PFDN5: variants seen among roughly 807,000 people sequenced by gnomAD.
PFDN5 encodes the protein c-myc binding protein.
Under a neutral mutation model 21.5 loss-of-function variants are expected in PFDN5, and 13 were observed. That is an observed-to-expected ratio of 0.60 (90% CI 0.39 to 0.96). The LOEUF (loss-of-function observed/expected upper bound fraction) is 0.96, where lower values mean the gene tolerates loss of function less well. Ranked by LOEUF, PFDN5 falls within the 40% of genes least tolerant of loss-of-function variation. PFDN5 has a pLI of 0.00. For missense variants in PFDN5, 188 were observed against 186.2 expected (o/e 1.01, Z -0.06); for synonymous variants, 84 against 68.9 (o/e 1.22, Z -1.08).
At chr12:53,296,377 T>C in intron 3 of PFDN5, 102 bp downstream of exon 3, 1 of 849,798 alleles carries the variant, frequency 1.2e-6, no homozygotes. Flanking sequence ...CAGATTACCC[T>C]CTCCTCACAA....
chr12:53,297,123 G>C (rs574465107), intron 3 of PFDN5: 1 of 153,118 alleles, frequency 6.5e-6, no homozygotes, highest in African/African-American at 2.4e-5. Flanking sequence ...GTGTGTAGTA[G>C]GGAATGGTTT....
In PFDN5 at chr12:53,298,042, T is replaced by C. The variant is rs112542915; in HGVS notation, c.283-3T>C. On this transcript the variant is annotated splice_region_variant and splice_polypyrimidine_tract_variant and intron_variant, in intron 4 of 5. Coordinates refer to ENST00000334478, the MANE Select transcript of PFDN5 (RefSeq NM_002624.4). Reference sequence around the variant, plus strand: ...AGCCCCTTATTCACCTCTGATCTTGTAGACAGCTGAGGATGCCAAGGACTT... The same window carrying C: ...AGCCCCTTATTCACCTCTGATCTTGCAGACAGCTGAGGATGCCAAGGACTT... The C allele has an allele frequency of 3.1e-6, 5 of 1,606,256 alleles. No individual in the cohort carries two copies. The South Asian group carries it at 3.3e-5, about 11-fold the overall frequency.
intron 1 of PFDN5, 86 bp from the exon 2 acceptor site, chr12:53,295,753 T>A (rs1944141999): frequency 7.1e-6 from 9 of 1,275,810 alleles, no homozygotes; most frequent in Non-Finnish European, 9.2e-6. Context: ...GAAACCTCTA[T>A]CCGATCCCAG....
At chr12:53,297,488 G>A (rs535138641) in intron 3 of PFDN5, 1 of 203,534 alleles carries the variant, frequency 4.9e-6, no homozygotes, top group African/African-American at 2.3e-5. Flanking sequence ...TCATGATTGA[G>A]GGCATTAAGG....
chr12:53,296,085 C>G, intron 2 of PFDN5, 144 bp downstream of exon 2: 2 of 788,758 alleles, frequency 2.5e-6, no homozygotes, highest in South Asian at 1.5e-5. Context: ...TGTTGCCTGC[C>G]TAGAATTGAA....
chr12:53,299,136 C>T, intron 5 of PFDN5, 133 bp from the exon 6 acceptor site: 1 of 358,606 alleles, frequency 2.8e-6, no homozygotes, highest in Non-Finnish European at 5.2e-6. Context: ...GATTCTGTCT[C>T]AAAAAAAAAA....
intron 2 of PFDN5, 105 bp from the exon 3 acceptor site, chr12:53,296,139 C>A: frequency 2.0e-6 from 2 of 1,024,340 alleles, no homozygotes; most frequent in Non-Finnish European, 3.0e-6. Context: ...TGTTTCCGTT[C>A]TTTTCACACT....
Position 53,297,892 on chromosome 12 carries a change from A to G in PFDN5, c.250A>G (p.Ile84Val), listed in dbSNP as rs781446753. Reference sequence around the variant, plus strand: ...GCTGCATGATGTGGAACACGTGCTCATCGATGTGGGAACTGGGTACTATGT... The same window carrying G: ...GCTGCATGATGTGGAACACGTGCTCGTCGATGTGGGAACTGGGTACTATGT... ...GKLHDVEHVL[I>V]DVGTGYYVEK... Residue 84 changes from isoleucine (I) to valine (V), a missense_variant, in exon 4 of 6, where the codon ATC becomes GTC. Transcript: ENST00000334478. The G allele has an allele frequency of 1.4e-5, 22 of 1,613,324 alleles. No homozygotes were observed. Among genetic ancestry groups the G allele is most frequent in the Non-Finnish European group, 1.8e-5 (21 of 1,179,712 alleles).
At chr12:53,296,586 A>G (rs541608723) in intron 3 of PFDN5, 135 of 434,342 alleles carry the variant, frequency 3.1e-4, no homozygotes, top group African/African-American at 2.6e-3. Flanking sequence ...TTTTTGTATT[A>G]ATAGTAGAGT....
rs1565770892 is a variant in PFDN5, at chr12:53,297,930, T to C, written c.282+6T>C. 6.2e-7 allele frequency: 1 copy of C among 1,608,728 alleles called. No homozygotes were observed. The highest frequency in any genetic ancestry group is 1.7e-5 in the Admixed American group (1 of 60,012). The stretch of plus-strand genomic sequence containing the variant: ...CTGGGTACTATGTAGAGAAGGTGAG[T>C]GAGAGCATGTGGATGCCCCTCTAAA... On this transcript the variant is annotated splice_donor_region_variant and intron_variant, in intron 4 of 5. Transcript: ENST00000334478.
At chr12:53,299,008 T>C (rs1944192241) in intron 5 of PFDN5, 2 of 316,786 alleles carry the variant, frequency 6.3e-6, no homozygotes. Context: ...TGGTGGTGCA[T>C]GCCTGTAATC....
At chr12:53,298,210 G>A (rs906289892) in intron 5 of PFDN5, 60 bp downstream of exon 5, 47 of 1,030,646 alleles carry the variant, frequency 4.6e-5, no homozygotes, top group Non-Finnish European at 6.0e-5. Context: ...ATGGATTGCA[G>A]TGTGAACCAC....
intron 5 of PFDN5, 38 bp from the exon 6 acceptor site, chr12:53,299,231 T>G (rs1214777891): frequency 6.8e-7 from 1 of 1,462,726 alleles, no homozygotes; most frequent in African/African-American, 1.4e-5. Context: ...AGGTTCTCCT[T>G]TTTGCTTCTA....
chr12:53,296,103 G>A (rs1944146610), intron 2 of PFDN5, 141 bp from the exon 3 acceptor site: 1 of 807,848 alleles, frequency 1.2e-6, no homozygotes. Flanking sequence ...GAAAAGTACA[G>A]GACATTCCTC....
rs200594035 is a variant in PFDN5, at chr12:53,295,606, G to A, written c.39G>A (p.Pro13=). ...TTAACATCACGGAGCTGAATCTGCC[G>A]CAGCTAGAAATGCTCAAGAACCAGC... is the stretch of plus-strand genomic sequence containing the variant. ...QSINITELNL[P]QLEMLKNQLD... The change falls in exon 1 of 6, where the codon CCG becomes CCA. Residue 13 remains proline, a synonymous_variant. Transcript: ENST00000334478. 6.2e-7 allele frequency: 1 copy of A among 1,614,026 alleles called. No homozygotes were observed. Among genetic ancestry groups the A allele is most frequent in the African/African-American group, 1.3e-5 (1 of 75,030 alleles).
intron 5 of PFDN5, 131 bp downstream of exon 5, chr12:53,298,281 T>A (rs950705707): frequency 6.0e-6 from 4 of 664,418 alleles, no homozygotes; most frequent in Non-Finnish European, 1.1e-5. Context: ...ATCTTTAGAA[T>A]CTGTGTATTG....
chr12:53,298,654 G>C (rs373862278), intron 5 of PFDN5: 2 of 158,696 alleles, frequency 1.3e-5, no homozygotes. Context: ...CCCCATCATA[G>C]TTTTCTGATT....
intron 5 of PFDN5, chr12:53,299,030 G>A: frequency 2.8e-6 from 1 of 353,952 alleles, no homozygotes; most frequent in Non-Finnish European, 5.5e-6. Flanking sequence ...CAGCTGTTCG[G>A]GAGGATGAGG....
chr12:53,296,516 C>T, intron 3 of PFDN5: 1 of 624,576 alleles, frequency 1.6e-6, no homozygotes, highest in Non-Finnish European at 2.9e-6. Flanking sequence ...TCAAGAGATT[C>T]TTCTGCCTCA....
Sources: gnomAD v4.1 joint callset for allele counts on GRCh38, gnomAD v4.1.1 for gene constraint, MANE v1.5 for transcripts, NCBI Gene and HGNC (gene_info 2026-07-23, HGNC 2026-07-21) for gene names.